The following IMMP2L variants were observed in gnomAD, a reference collection of about 807,000 sequenced individuals.
IMMP2L encodes the protein inner mitochondrial membrane peptidase subunit 2.
IMMP2L carries 18 observed loss-of-function variants against 19.3 expected under a neutral mutation model. The observed-to-expected ratio is 0.93, with a 90% CI of 0.64 to 1.38. The LOEUF is 1.38. Among genes scored for constraint, IMMP2L ranks in the 40% most tolerant of loss-of-function variants. The pLI is 0.00. For missense variants in IMMP2L, 233 were observed against 218.2 expected, an observed-to-expected ratio of 1.07 and a Z score of -0.43; for synonymous variants, 76 against 73.0, an observed-to-expected ratio of 1.04 and a Z score of -0.21.
chr7:111,040,758 A>G (rs1490685273), intron 3 of IMMP2L, among the ~76,000 whole-genome samples: 1 of 149,298 alleles, frequency 6.7e-6, no homozygotes, highest in Non-Finnish European at 1.5e-5. Context: ...AACCTTATAA[A>G]ACCTTATAAA....
intron 5 of IMMP2L, among the ~76,000 whole-genome samples, chr7:110,723,356 C>G (rs1450145493): frequency 6.6e-6 from 1 of 152,212 alleles, no homozygotes; most frequent in Non-Finnish European, 1.5e-5. Context: ...CTGACCCAAG[C>G]TTTTGATCCT....
intron 4 of IMMP2L, among the ~76,000 whole-genome samples, chr7:110,949,509 G>T (rs1435494973): frequency 6.6e-6 from 1 of 152,082 alleles, no homozygotes; most frequent in African/African-American, 2.4e-5. Context: ...AGATAATATA[G>T]CCCACAGGTC....
intron 3 of IMMP2L, among the ~76,000 whole-genome samples, chr7:111,412,382 A>T (rs992153615): frequency 2.0e-5 from 3 of 151,706 alleles, no homozygotes; most frequent in African/African-American, 7.3e-5. Context: ...CACGTAAAAA[A>T]ATTAACTAAA....
At chr7:111,302,559 G>C (rs929661062) in intron 3 of IMMP2L, among the ~76,000 whole-genome samples, 3 of 151,994 alleles carry the variant, frequency 2.0e-5, no homozygotes, top group African/African-American at 7.2e-5. Flanking sequence ...GATAACCCTA[G>C]GAGGTGCTAT....
chr7:110,785,742 G>C (rs1343643178), intron 5 of IMMP2L, among the ~76,000 whole-genome samples: 1 of 151,842 alleles, frequency 6.6e-6, no homozygotes, highest in Non-Finnish European at 1.5e-5. Flanking sequence ...TGTTTGATCT[G>C]ATCAACAGGC....
intron 3 of IMMP2L, among the ~76,000 whole-genome samples, chr7:111,471,858 C>A (rs953440149): frequency 8.6e-5 from 13 of 151,948 alleles, no homozygotes; most frequent in African/African-American, 3.1e-4. Flanking sequence ...GAAGGGGACA[C>A]CCAGGACAAC....
At chr7:110,674,175 T>G (rs1300516100) in intron 5 of IMMP2L, among the ~76,000 whole-genome samples, 1 of 152,146 alleles carries the variant, frequency 6.6e-6, no homozygotes, top group East Asian at 1.9e-4. Flanking sequence ...CTTCTCCACA[T>G]GGCAGCAGCA....
chr7:110,819,238 T>A (rs55977622), intron 5 of IMMP2L, among the ~76,000 whole-genome samples: 13,288 of 151,978 alleles, frequency 0.087, 886 homozygotes, highest in African/African-American at 0.19. Flanking sequence ...CTGGAAGTCA[T>A]GGTAAGGTAA....
In IMMP2L at chr7:111,273,225, C is replaced by T. The variant is rs543632849; in HGVS notation, c.239+214013G>A. 2.6e-5 allele frequency among the ~76,000 whole-genome samples: 4 copies of T among 151,866 alleles called. No individual in the cohort carries two copies. In the South Asian group the frequency reaches 8.3e-4, roughly 32 times the overall value. On this transcript the variant is annotated intron_variant, in intron 3 of 5. Coordinates refer to ENST00000405709, the MANE Select transcript of IMMP2L (RefSeq NM_032549.4). ...CCAGGAGGCGGAGGTTGCAGTGAGCCGAGATCATGCCAATGCATTCCAGCC... is the reference window on the plus strand; with the variant it reads ...CCAGGAGGCGGAGGTTGCAGTGAGCTGAGATCATGCCAATGCATTCCAGCC...
chr7:111,002,147 C>G (rs1272054712), intron 3 of IMMP2L, among the ~76,000 whole-genome samples: 1 of 151,992 alleles, frequency 6.6e-6, no homozygotes, highest in Non-Finnish European at 1.5e-5. Context: ...TGAAGAGACT[C>G]TCTGAGGTAC....
intron 3 of IMMP2L, among the ~76,000 whole-genome samples, chr7:111,106,678 C>T (rs775922219): frequency 6.9e-6 from 1 of 145,246 alleles, no homozygotes; most frequent in Non-Finnish European, 1.5e-5. Flanking sequence ...ATTAAAGTCT[C>T]GGTGTGTGAA....
At chr7:111,480,241 G>A (rs1466736549) in intron 3 of IMMP2L, among the ~76,000 whole-genome samples, 3 of 151,410 alleles carry the variant, frequency 2.0e-5, no homozygotes, top group East Asian at 1.9e-4. Context: ...CCACCACCAC[G>A]CCCAGCTAAT....
chr7:111,065,842 TC>T (rs1222905020), intron 3 of IMMP2L, among the ~76,000 whole-genome samples: 1 of 151,720 alleles, frequency 6.6e-6, no homozygotes, highest in Non-Finnish European at 1.5e-5. Flanking sequence ...CTTAATAAAC[TC>T]CCTTTTATAT....
intron 3 of IMMP2L, among the ~76,000 whole-genome samples, chr7:111,017,343 T>C (rs1276942222): frequency 1.3e-5 from 2 of 151,994 alleles, no homozygotes; most frequent in Non-Finnish European, 2.9e-5. Flanking sequence ...GGATTACAGA[T>C]GTGAGCCACT....
intron 5 of IMMP2L, among the ~76,000 whole-genome samples, chr7:110,807,956 A>C (rs1352643665): frequency 6.6e-6 from 1 of 152,076 alleles, no homozygotes; most frequent in Non-Finnish European, 1.5e-5. Flanking sequence ...CTAGAGCTAC[A>C]CACAGCCTGA....
At chr7:110,818,570 T>C (rs1305463075) in intron 5 of IMMP2L, among the ~76,000 whole-genome samples, 4 of 152,074 alleles carry the variant, frequency 2.6e-5, no homozygotes, top group Non-Finnish European at 1.5e-5. Context: ...TCCTCAGGGA[T>C]CTAGAACTAG....
At chr7:111,348,409 T>G (rs1210749771) in intron 3 of IMMP2L, among the ~76,000 whole-genome samples, 1 of 152,164 alleles carries the variant, frequency 6.6e-6, no homozygotes, top group East Asian at 1.9e-4. Flanking sequence ...TCACATTTTG[T>G]TTAATGCTAA....
chr7:110,795,130 A>C (rs1020934507), intron 5 of IMMP2L, among the ~76,000 whole-genome samples: 3 of 152,156 alleles, frequency 2.0e-5, no homozygotes, highest in Non-Finnish European at 2.9e-5. Flanking sequence ...TGGCTGGAAC[A>C]TGTTGAAGAC....
chr7:110,908,111 A>G (rs1184389309), intron 4 of IMMP2L, among the ~76,000 whole-genome samples: 1 of 152,212 alleles, frequency 6.6e-6, no homozygotes, highest in African/African-American at 2.4e-5. Context: ...TAAGAAATTC[A>G]GAGCAGGTAT....
Sources: allele counts gnomAD v4.1 joint callset (sites outside exome capture counted in the v4.1 genomes callset), GRCh38; gene constraint gnomAD v4.1.1; transcripts MANE v1.5; gene names NCBI Gene and HGNC (gene_info 2026-07-23, HGNC 2026-07-21).